The following LRP1B variants were observed in gnomAD, a reference collection of about 807,000 sequenced individuals.
The protein encoded by LRP1B is LDL receptor related protein 1B, also known as low-density lipoprotein receptor-related protein 1B.
A neutral mutation model predicts 556.6 loss-of-function variants in LRP1B; 217 were observed. That is an observed-to-expected ratio of 0.39 (90% CI 0.35 to 0.44). The LOEUF is 0.44. Among genes scored for constraint, LRP1B ranks in the 20% least tolerant of loss-of-function variants. LRP1B has a pLI of 1.00. For missense variants in LRP1B, 5,053 were observed against 5,620.8 expected (o/e 0.90, Z 3.23); for synonymous variants, 2,047 against 1,865.8 (o/e 1.10, Z -2.50).
intron 80 of LRP1B, 52 bp downstream of exon 80, chr2:140,325,710 A>G (rs1680436976): frequency 1.6e-6 from 2 of 1,221,274 alleles, no homozygotes; most frequent in South Asian, 1.3e-5. Flanking sequence ...TTGTATTAGT[A>G]TTTAACACTC....
chr2:141,769,512 GA>G (rs1694832148), intron 2 of LRP1B, among the ~76,000 whole-genome samples: 1 of 152,162 alleles, frequency 6.6e-6, no homozygotes. Context: ...GTTCGAATCA[GA>G]GGAAAGATTT....
At chr2:141,003,634 C>T (rs1697487241) in intron 15 of LRP1B, among the ~76,000 whole-genome samples, 1 of 152,044 alleles carries the variant, frequency 6.6e-6, no homozygotes, top group Admixed American at 6.6e-5. Flanking sequence ...TGACTTGCTC[C>T]TCCCTGCCTT....
At chr2:141,181,928 T>A (rs1681016337) in intron 7 of LRP1B, among the ~76,000 whole-genome samples, 1 of 152,032 alleles carries the variant, frequency 6.6e-6, no homozygotes, top group Admixed American at 6.6e-5. Context: ...TACCTTTGAA[T>A]GAGCCTTTGA....
intron 21 of LRP1B, among the ~76,000 whole-genome samples, chr2:140,916,276 A>T (rs1029079235): frequency 6.6e-6 from 1 of 152,180 alleles, no homozygotes; most frequent in African/African-American, 2.4e-5. Flanking sequence ...TCACTGTACC[A>T]TTATAGGATA....
intron 7 of LRP1B, among the ~76,000 whole-genome samples, chr2:141,159,831 T>C (rs1428846981): frequency 6.6e-6 from 1 of 152,182 alleles, no homozygotes; most frequent in African/African-American, 2.4e-5. Flanking sequence ...AATGAGATCA[T>C]GTCCTTCGCA....
intron 20 of LRP1B, among the ~76,000 whole-genome samples, chr2:140,924,503 C>G (rs1694830673): frequency 6.6e-6 from 1 of 151,876 alleles, no homozygotes; most frequent in African/African-American, 2.4e-5. Flanking sequence ...ACCATACATC[C>G]TAAATATTGC....
At chr2:140,776,707 TG>T (rs1689513173) in intron 32 of LRP1B, among the ~76,000 whole-genome samples, 1 of 152,074 alleles carries the variant, frequency 6.6e-6, no homozygotes, top group Non-Finnish European at 1.5e-5. Flanking sequence ...GTTAAAAGTG[TG>T]TAAGCTTTTG....
At chr2:141,806,189 C>T (rs1696162138) in intron 2 of LRP1B, among the ~76,000 whole-genome samples, 1 of 152,024 alleles carries the variant, frequency 6.6e-6, no homozygotes, top group Admixed American at 6.6e-5. Flanking sequence ...ATCTTGAATA[C>T]CTCAGAATAA....
At chr2:140,410,831 G>A (rs925305643) in intron 66 of LRP1B, among the ~76,000 whole-genome samples, 4 of 152,106 alleles carry the variant, frequency 2.6e-5, no homozygotes, top group African/African-American at 9.7e-5. Context: ...TATATCCCAT[G>A]ACATGTCTTC....
chr2:141,542,704 A>C (rs529725919), intron 2 of LRP1B, among the ~76,000 whole-genome samples: 32 of 152,316 alleles, frequency 2.1e-4, no homozygotes, highest in Admixed American at 6.5e-4. Flanking sequence ...GCAGCAGATT[A>C]GGAAGAGGTA....
rs545599593 is a variant in LRP1B, at chr2:140,578,237, G to C, written c.7194+20394C>G. ...CTTTTCTTTTTTCCAAGGCAGCCTG[G>C]TCTATCAAAGCTAAAACACTTACAG... On this transcript the variant is annotated intron_variant, in intron 43 of 90. Coordinates refer to ENST00000389484, the MANE Select transcript of LRP1B (RefSeq NM_018557.3). Among the ~76,000 whole-genome samples the C allele has an allele frequency of 2.8e-4, 42 of 148,166 alleles. 1 individual carries two copies. In the South Asian group the frequency reaches 9.6e-3, roughly 34 times the overall value.
At chr2:141,086,109 G>C (rs1234048484) in intron 7 of LRP1B, among the ~76,000 whole-genome samples, 1 of 152,146 alleles carries the variant, frequency 6.6e-6, no homozygotes, top group African/African-American at 2.4e-5. Flanking sequence ...CTATTATCCA[G>C]ATTTGCCTCT....
chr2:141,307,533 A>G (rs114343689), intron 3 of LRP1B, among the ~76,000 whole-genome samples: 161 of 152,238 alleles, frequency 1.1e-3, no homozygotes, highest in Non-Finnish European at 2.0e-3. Flanking sequence ...GGCAGCATAA[A>G]GTTGAGTCAT....
At chr2:140,777,635 A>C (rs1689545664) in intron 32 of LRP1B, among the ~76,000 whole-genome samples, 1 of 152,236 alleles carries the variant, frequency 6.6e-6, no homozygotes, top group Non-Finnish European at 1.5e-5. Flanking sequence ...ACAATGAAAA[A>C]TAAACACTAA....
At chr2:140,915,847 T>C (rs1209194571) in intron 21 of LRP1B, among the ~76,000 whole-genome samples, 1 of 151,482 alleles carries the variant, frequency 6.6e-6, no homozygotes, top group Non-Finnish European at 1.5e-5. Flanking sequence ...GGGAACATGG[T>C]GAAACCCCGT....
chr2:141,887,273 G>A (rs969407325), intron 1 of LRP1B, among the ~76,000 whole-genome samples: 1 of 152,152 alleles, frequency 6.6e-6, no homozygotes, highest in Non-Finnish European at 1.5e-5. Context: ...TGGGATTTCA[G>A]GCATGTGCCC....
intron 3 of LRP1B, among the ~76,000 whole-genome samples, chr2:141,374,919 G>T (rs940202478): frequency 6.6e-6 from 1 of 152,062 alleles, no homozygotes; most frequent in Admixed American, 6.5e-5. Context: ...GTGGTCCTTT[G>T]GTGGTGCCAC....
intron 67 of LRP1B, among the ~76,000 whole-genome samples, chr2:140,383,091 G>A (rs945482762): frequency 6.6e-5 from 10 of 152,222 alleles, no homozygotes; most frequent in Middle Eastern, 3.4e-3. Flanking sequence ...ATTGCCTAGC[G>A]ACAAATTTCT....
At chr2:141,463,569 A>AT (rs1490279253) in intron 3 of LRP1B, among the ~76,000 whole-genome samples, 94 of 78,458 alleles carry the variant, frequency 1.2e-3, no homozygotes, top group Middle Eastern at 6.6e-3. Flanking sequence ...TATATATTAT[A>AT]TATTATATAT....
Sources: allele counts gnomAD v4.1 joint callset (sites outside exome capture counted in the v4.1 genomes callset), GRCh38; gene constraint gnomAD v4.1.1; transcripts MANE v1.5; gene names NCBI Gene and HGNC (gene_info 2026-07-23, HGNC 2026-07-21).